Variants in SNX13 observed in about 807,000 individuals in gnomAD.
SNX13 encodes sorting nexin-13.
In SNX13, 45 loss-of-function variants were observed where a neutral mutation model predicts 133.6. The observed-to-expected ratio is 0.34, with a 90% CI of 0.27 to 0.43. The LOEUF (loss-of-function observed/expected upper bound fraction) is 0.43, where lower values mean the gene tolerates loss of function less well. SNX13 is among the 20% of genes least tolerant of loss of function. The probability of loss-of-function intolerance (pLI) is 1.00; values close to 1 mark genes in which losing one functional copy is unlikely to be tolerated. For synonymous variants in SNX13, 414 were observed against 373.9 expected (o/e 1.11, Z -1.24); for missense variants, 1,032 against 1,145.1 (o/e 0.90, Z 1.43).
At chr7:17,901,045 C>T (rs1453098083) in intron 1 of SNX13, among the ~76,000 whole-genome samples, 3 of 152,048 alleles carry the variant, frequency 2.0e-5, no homozygotes, top group Admixed American at 6.5e-5. Flanking sequence ...CAATCTTGCC[C>T]GGACTAGGTC....
chr7:17,909,221 G>C (rs1798696686), intron 1 of SNX13, among the ~76,000 whole-genome samples: 1 of 152,194 alleles, frequency 6.6e-6, no homozygotes, highest in South Asian at 2.1e-4. Flanking sequence ...TAATGAGGTT[G>C]TGGAGAAAAA....
In SNX13 at chr7:17,813,187, A is replaced by C. The variant is rs750896403; in HGVS notation, c.2064+1647T>G. 4.9e-4 allele frequency among the ~76,000 whole-genome samples: 74 copies of C among 152,344 alleles called. 1 individual carries two copies. The highest frequency in any genetic ancestry group is 4.0e-3 in the Admixed American group (61 of 15,288). On this transcript the variant is annotated intron_variant, in intron 20 of 25. Coordinates refer to ENST00000428135, the MANE Select transcript of SNX13 (RefSeq NM_015132.5). Reference sequence around the variant, plus strand: ...CGTGTGCTATTGTTGTTTGGTTAAAAAAAAGTGTACTTTAATATTTCTTTT... The same window carrying C: ...CGTGTGCTATTGTTGTTTGGTTAAACAAAAGTGTACTTTAATATTTCTTTT...
chr7:17,888,559 C>A (rs1048751240), intron 5 of SNX13: 8 of 376,206 alleles, frequency 2.1e-5, no homozygotes, highest in Admixed American at 6.7e-5. Flanking sequence ...AACCACTTTA[C>A]CTTTCTGGAC....
intron 1 of SNX13, 34 bp from the exon 2 acceptor site, chr7:17,897,480 AATAATTCTCCAC>A: frequency 3.3e-6 from 4 of 1,216,680 alleles, no homozygotes; most frequent in Non-Finnish European, 4.6e-6. Flanking sequence ...TAAATTAGTA[AATAATTCTCCAC>A]ATGAATTAGA....
chr7:17,853,873 G>A (rs929093522), intron 9 of SNX13, among the ~76,000 whole-genome samples: 4 of 152,016 alleles, frequency 2.6e-5, no homozygotes, highest in Non-Finnish European at 4.4e-5. Flanking sequence ...CCCGGGAGGC[G>A]GAGGTTACAG....
At chr7:17,877,805 T>C (rs1229845995) in intron 5 of SNX13, among the ~76,000 whole-genome samples, 4 of 151,896 alleles carry the variant, frequency 2.6e-5, no homozygotes, top group Non-Finnish European at 4.4e-5. Context: ...GTAGGAAAAA[T>C]AGGAAAAACA....
chr7:17,799,192 G>C, intron 22 of SNX13, 38 bp from the exon 23 acceptor site: 1 of 1,522,932 alleles, frequency 6.6e-7, no homozygotes, highest in Non-Finnish European at 8.9e-7. Flanking sequence ...GTTTGAGTTA[G>C]CTATCTACTA....
chr7:17,924,254 G>A (rs1234931667), intron 1 of SNX13, among the ~76,000 whole-genome samples: 3 of 152,034 alleles, frequency 2.0e-5, no homozygotes, highest in Admixed American at 6.5e-5. Context: ...ACTTCTACTC[G>A]AAATATACAA....
chr7:17,925,480 A>G (rs1384494160), intron 1 of SNX13, among the ~76,000 whole-genome samples: 2 of 152,232 alleles, frequency 1.3e-5, no homozygotes, highest in Admixed American at 6.5e-5. Context: ...AGTAAAATAC[A>G]TAAGCAGAAT....
intron 12 of SNX13, among the ~76,000 whole-genome samples, chr7:17,842,741 G>A (rs1310811423): frequency 1.3e-5 from 2 of 151,938 alleles, no homozygotes; most frequent in Non-Finnish European, 2.9e-5. Context: ...AGAACTATTA[G>A]TTCATATTTT....
intron 1 of SNX13, among the ~76,000 whole-genome samples, chr7:17,909,754 C>G (rs1255332164): frequency 6.6e-6 from 1 of 152,156 alleles, no homozygotes; most frequent in East Asian, 1.9e-4. Flanking sequence ...GGAAGAACAG[C>G]TAATGGTTGC....
chr7:17,799,183 T>G (rs774120705), intron 22 of SNX13, 29 bp from the exon 23 acceptor site: 1 of 1,561,274 alleles, frequency 6.4e-7, no homozygotes, highest in Non-Finnish European at 8.7e-7. Context: ...TAAGAATAAG[T>G]TTGAGTTAGC....
chr7:17,857,284 A>G lies in SNX13; in HGVS notation c.838-6320T>C, dbSNP rs191135787. On this transcript the variant is annotated intron_variant, in intron 9 of 25. Transcript: ENST00000428135. ...GAAAAGCCCAAGACCTGATGGCTTCAGTGCTGCTAAATTCTACCAAATATT... is the reference window on the plus strand; with the variant it reads ...GAAAAGCCCAAGACCTGATGGCTTCGGTGCTGCTAAATTCTACCAAATATT... Among the ~76,000 whole-genome samples, 8 of 152,348 alleles carry G rather than the reference A, an allele frequency of 5.3e-5. No individual in the cohort carries two copies. In the East Asian group the frequency reaches 7.7e-4, roughly 15 times the overall value.
chr7:17,875,269 G>A (rs1283885849), intron 7 of SNX13, among the ~76,000 whole-genome samples: 2 of 151,934 alleles, frequency 1.3e-5, no homozygotes, highest in Non-Finnish European at 2.9e-5. Flanking sequence ...CACCCAGCCA[G>A]GACCAGTTAA....
intron 5 of SNX13, 133 bp downstream of exon 5, chr7:17,890,230 G>A: frequency 1.3e-6 from 1 of 764,804 alleles, no homozygotes; most frequent in Non-Finnish European, 1.9e-6. Flanking sequence ...AAATCTTGGA[G>A]TTATCCCACA....
intron 16 of SNX13, among the ~76,000 whole-genome samples, chr7:17,827,007 C>T (rs1018351527): frequency 2.0e-5 from 3 of 152,056 alleles, no homozygotes; most frequent in African/African-American, 7.2e-5. Flanking sequence ...CCTAAACTAT[C>T]TGTATAAGAA....
chr7:17,921,635 T>G (rs1054698946), intron 1 of SNX13, among the ~76,000 whole-genome samples: 1 of 152,220 alleles, frequency 6.6e-6, no homozygotes, highest in Non-Finnish European at 1.5e-5. Flanking sequence ...TCCTGTATAA[T>G]TCCTGCCCAT....
chr7:17,921,490 T>C (rs887563714), intron 1 of SNX13, among the ~76,000 whole-genome samples: 7 of 152,160 alleles, frequency 4.6e-5, no homozygotes, highest in Admixed American at 3.3e-4. Flanking sequence ...TTGCTTCAAG[T>C]AAAAGCTGCT....
intron 9 of SNX13, among the ~76,000 whole-genome samples, chr7:17,866,724 A>C (rs927357972): frequency 1.3e-5 from 2 of 152,218 alleles, no homozygotes; most frequent in Non-Finnish European, 2.9e-5. Context: ...TGAGAAGGGA[A>C]ATAAAGAAGG....
Sources: gnomAD v4.1 joint callset for allele counts (sites outside exome capture counted in the v4.1 genomes callset) on GRCh38, gnomAD v4.1.1 for gene constraint, MANE v1.5 for transcripts, NCBI Gene and HGNC (gene_info 2026-07-23, HGNC 2026-07-21) for gene names.